Variants in MUS81 observed in about 807,000 individuals in gnomAD.
MUS81 encodes structure-specific endonuclease subunit MUS81.
MUS81 carries 69 observed loss-of-function variants against 74.2 expected under a neutral mutation model. That is an observed-to-expected ratio of 0.93 (90% CI 0.77 to 1.14). The LOEUF (loss-of-function observed/expected upper bound fraction) is 1.14. Ranked by LOEUF, MUS81 falls within the 50% of genes most tolerant of loss-of-function variation. The pLI, the probability that MUS81 is intolerant of heterozygous loss-of-function variation, is 0.00. For synonymous variants in MUS81, 303 were observed against 300.6 expected, an observed-to-expected ratio of 1.01 and a Z score of -0.08; for missense variants, 711 against 726.5, an observed-to-expected ratio of 0.98 and a Z score of 0.25.
chr11:65,860,745 C>G lies in MUS81; in HGVS notation c.-9C>G. ...GGCGTGGAGCGCCGGAGGACCCGCC[C>G]TCGGGCTCATGGCGGCCCCGGTCCG... is the stretch of plus-strand genomic sequence containing the variant. On this transcript the variant is annotated 5_prime_UTR_variant, in exon 1 of 16. Transcript: ENST00000308110. The G allele has an allele frequency of 6.5e-7, 1 of 1,533,366 alleles. No homozygotes were observed. Among genetic ancestry groups the G allele is most frequent in the Non-Finnish European group, 8.7e-7 (1 of 1,145,542 alleles). The allele number at this position is 1,533,366 out of a possible 1,614,324, so 95.0% of individuals were successfully genotyped here.
intron 14 of MUS81, 66 bp from the exon 15 acceptor site, chr11:65,865,745 C>T: frequency 6.6e-7 from 1 of 1,505,436 alleles, no homozygotes; most frequent in Non-Finnish European, 9.2e-7. Context: ...CTCTGCCTGG[C>T]CCCTCATGGT....
At chr11:65,861,267 T>C (rs1281978755) in intron 2 of MUS81, 83 bp from the exon 3 acceptor site, 2 of 1,532,498 alleles carry the variant, frequency 1.3e-6, no homozygotes, top group Non-Finnish European at 1.8e-6. Flanking sequence ...CGGTCTCACG[T>C]AACCATCTGA....
chr11:65,861,933 T>C lies in MUS81; in HGVS notation c.352-14T>C. 6.3e-7 allele frequency: 1 copy of C among 1,598,540 alleles called. No individual in the cohort carries two copies. ...GGCTGGCTTTCATGTTCAGAACTCC[T>C]CTGTACCTTTCAGGTTCCTGCCCAG... On this transcript the variant is annotated splice_polypyrimidine_tract_variant and intron_variant, in intron 3 of 15. Coordinates refer to ENST00000308110, the MANE Select transcript of MUS81 (RefSeq NM_025128.5).
intron 3 of MUS81, chr11:65,861,742 G>A: frequency 1.6e-6 from 1 of 614,378 alleles, no homozygotes; most frequent in Non-Finnish European, 2.9e-6. Context: ...AGGCCAGGCT[G>A]GGCAGACACC....
chr11:65,864,027 C>A, intron 10 of MUS81, 126 bp downstream of exon 10: 1 of 902,006 alleles, frequency 1.1e-6, no homozygotes, highest in Non-Finnish European at 1.7e-6. Flanking sequence ...GCCACACCCA[C>A]CCTGTGGCTG....
upstream of MUS81, among the ~76,000 whole-genome samples, chr11:65,859,854 A>C (rs796686234): frequency 2.0e-5 from 3 of 152,222 alleles, no homozygotes; most frequent in African/African-American, 7.2e-5. Flanking sequence ...TAGCCACAAA[A>C]ATGACGAAGT....
chr11:65,862,180 G>A (rs754502883), intron 4 of MUS81, 31 bp from the exon 5 acceptor site: 15 of 1,610,624 alleles, frequency 9.3e-6, no homozygotes, highest in South Asian at 4.4e-5. Context: ...CTGGCACTGA[G>A]CCTACCCTGT....
rs1296786046 is a variant in MUS81, at chr11:65,862,367, C to T, written c.520-77C>T. 28 of 1,588,582 alleles carry T rather than the reference C, an allele frequency of 1.8e-5. No homozygotes were observed. In the South Asian group the frequency reaches 1.9e-4, roughly 11 times the overall value. On this transcript the variant is annotated intron_variant, in intron 5 of 15. Transcript: ENST00000308110. ...TTCTTGCAGTGGGCCCATGTGTGGC[C>T]CATGGCTGGGGACACAGGGAACATG...
rs995509226 is a variant in MUS81 at position 65,860,464 on chromosome 11, C to G, written c.-290C>G. 29 of 540,900 alleles carry G rather than the reference C, an allele frequency of 5.4e-5. No individual in the cohort carries two copies. The highest frequency in any genetic ancestry group is 4.9e-4 in the African/African-American group (26 of 52,596). 33.5% of individuals were successfully genotyped at this position (540,900 alleles called of 1,614,324 possible). ...AAGGAGCCGGTCCAGGCTCCGGGGG[C>G]TGGGAAAGGGCGCGTCTCAAAGGCT... On this transcript the variant is annotated 5_prime_UTR_variant, in exon 1 of 16. Coordinates refer to ENST00000308110, the MANE Select transcript of MUS81 (RefSeq NM_025128.5).
chr11:65,861,837 G>A (rs1344681271), intron 3 of MUS81, 110 bp from the exon 4 acceptor site: 3 of 839,222 alleles, frequency 3.6e-6, no homozygotes, highest in African/African-American at 3.4e-5. Context: ...TTACAGAGAA[G>A]GAAACTGAGA....
chr11:65,864,945 G>C (rs1454534291), intron 12 of MUS81, 72 bp from the exon 13 acceptor site: 1 of 1,598,522 alleles, frequency 6.3e-7, no homozygotes, highest in African/African-American at 1.3e-5. Flanking sequence ...CCCCAAGGCT[G>C]AGGACTGGGC....
intron 6 of MUS81, 50 bp downstream of exon 6, chr11:65,862,579 AG>A (rs1859650010): frequency 6.5e-7 from 1 of 1,532,644 alleles, no homozygotes. Context: ...ACTTCTTAGT[AG>A]GGCCTTAGAG....
At position 65,863,788 on chromosome 11, in the gene MUS81, G is replaced by T; in HGVS notation, c.962-16G>T. ...GTGGGTAGGGGATCGCAAGCTAACG[G>T]CTGGCTTGTCAGCAGCAAACCCTGG... On this transcript the variant is annotated splice_polypyrimidine_tract_variant and intron_variant, in intron 9 of 15. Transcript: ENST00000308110. 1 of 1,614,180 alleles carries T rather than the reference G, an allele frequency of 6.2e-7. No individual in the cohort carries two copies. The highest frequency in any genetic ancestry group is 8.5e-7 in the Non-Finnish European group (1 of 1,180,016).
intron 6 of MUS81, 79 bp from the exon 7 acceptor site, chr11:65,862,986 G>C: frequency 6.2e-7 from 1 of 1,601,644 alleles, no homozygotes; most frequent in Non-Finnish European, 8.5e-7. Flanking sequence ...GGTGAGGCCA[G>C]CCCAGCTGGG....
chr11:65,861,478 G>A (rs1417299401), intron 3 of MUS81, 43 bp downstream of exon 3: 3 of 1,521,002 alleles, frequency 2.0e-6, no homozygotes, highest in African/African-American at 2.7e-5. Context: ...GTGGGAGTGC[G>A]GGAGTATGAT....
Position 65,861,996 on chromosome 11 carries a change from G to GGC in MUS81, c.402_403dup (p.His135ArgfsTer7). On this transcript the variant is annotated frameshift_variant, in exon 4 of 16. Transcript: ENST00000308110. LOFTEE classifies it high-confidence loss of function. ...GGCTCTGGCAGCTACTGGCCAGCTC[G>GGC]GCACTCAGGAGCCCGAGTGATACTG... 6.2e-7 allele frequency: 1 copy of GGC among 1,611,306 alleles called. No individual in the cohort carries two copies. Among genetic ancestry groups the GGC allele is most frequent in the Non-Finnish European group, 8.5e-7 (1 of 1,179,210 alleles).
chr11:65,863,079 C>T lies in MUS81; in HGVS notation c.620C>T (p.Pro207Leu), dbSNP rs199531637. Residue 207 changes from proline to leucine, a missense_variant, in exon 7 of 16, where the codon CCA becomes CTA. Pro to Leu is a moderately conservative substitution (Grantham distance 98, BLOSUM62 -3). Transcript: ENST00000308110. ...CTGCCTCCCAGGTACTCATTGACCC[C>T]AGAGGGCCTGGAGCTGGCCCAGAAG... ...THQPARYSLTPEGLELAQKLA... is the reference protein window; with the variant it reads ...THQPARYSLTLEGLELAQKLA... 13 of 1,614,100 alleles carry T rather than the reference C, an allele frequency of 8.1e-6. No homozygotes were observed. The Admixed American group carries it at 1.8e-4, about 23-fold the overall frequency.
At chr11:65,864,000 G>C in intron 10 of MUS81, 99 bp downstream of exon 10, 1 of 1,213,042 alleles carries the variant, frequency 8.2e-7, no homozygotes, top group South Asian at 1.3e-5. Context: ...CCTTGAGGCA[G>C]AGCCCTTTGG....
chr11:65,863,486 A>G lies in MUS81; in HGVS notation c.823A>G (p.Ile275Val), dbSNP rs775054429. The G allele has an allele frequency of 3.1e-6, 5 of 1,614,040 alleles. No individual in the cohort carries two copies. The highest frequency in any genetic ancestry group is 2.7e-5 in the African/African-American group (2 of 74,920). ...GTACAGGGTGCTGTTGTGTGTGGACATTGGCGAGACCCGGGGGTGAGTGAG... is the reference window on the plus strand; with the variant it reads ...GTACAGGGTGCTGTTGTGTGTGGACGTTGGCGAGACCCGGGGGTGAGTGAG... ...GEYRVLLCVD[I>V]GETRGGGHRP... Residue 275 changes from isoleucine (I) to valine (V), a missense_variant, in exon 8 of 16, where the codon ATT becomes GTT. By Grantham distance (29) the Ile-to-Val change is conservative (BLOSUM62 3). Coordinates refer to ENST00000308110, the MANE Select transcript of MUS81 (RefSeq NM_025128.5).
Sources: allele counts gnomAD v4.1 joint callset (sites outside exome capture counted in the v4.1 genomes callset), GRCh38; gene constraint gnomAD v4.1.1; transcripts MANE v1.5; gene names NCBI Gene and HGNC (gene_info 2026-07-23, HGNC 2026-07-21).